The following ALK variants were observed in gnomAD, a reference collection of about 807,000 sequenced individuals.
The protein encoded by ALK is ALK receptor tyrosine kinase.
ALK carries 74 observed loss-of-function variants against 163.1 expected under a neutral mutation model. The ratio of observed to expected loss-of-function variants is 0.45; its 90% confidence interval spans 0.38 to 0.55. The LOEUF (loss-of-function observed/expected upper bound fraction) is 0.55. ALK is among the 20% of genes least tolerant of loss of function. The pLI is 0.00. For synonymous variants in ALK, 960 were observed against 843.2 expected, an observed-to-expected ratio of 1.14 and a Z score of -2.40; for missense variants, 2,063 against 2,105.3, an observed-to-expected ratio of 0.98 and a Z score of 0.39.
intron 3 of ALK, among the ~76,000 whole-genome samples, chr2:29,658,020 C>T (rs1013983159): frequency 6.6e-6 from 1 of 152,092 alleles, no homozygotes; most frequent in African/African-American, 2.4e-5. Context: ...GCGGGCCATG[C>T]ATGTGTCCTG....
At chr2:29,200,748 T>C (rs370123549) in intron 26 of ALK, among the ~76,000 whole-genome samples, 1,089 of 71,556 alleles carry the variant, frequency 0.015, 11 homozygotes, top group African/African-American at 0.021. Flanking sequence ...TACGTATATA[T>C]ATACGTATAT....
intron 11 of ALK, among the ~76,000 whole-genome samples, chr2:29,266,306 ACCTCCCCT>A (rs1665218690): frequency 6.6e-6 from 1 of 152,046 alleles, no homozygotes; most frequent in African/African-American, 2.4e-5. Flanking sequence ...CAAGATATTA[ACCTCCCCT>A]CCAGATACAT....
intron 8 of ALK, among the ~76,000 whole-genome samples, chr2:29,315,590 T>C (rs569731259): frequency 4.8e-4 from 73 of 152,092 alleles, no homozygotes; most frequent in Non-Finnish European, 9.6e-4. Flanking sequence ...TCACCAAGGA[T>C]AGGGTTTAAA....
intron 11 of ALK, among the ~76,000 whole-genome samples, chr2:29,264,643 A>G (rs1665166813): frequency 6.6e-6 from 1 of 152,260 alleles, no homozygotes; most frequent in Admixed American, 6.5e-5. Flanking sequence ...ACAAAACCAA[A>G]GCAAAATGAA....
chr2:29,211,568 G>A (rs982582995), intron 24 of ALK, among the ~76,000 whole-genome samples: 1 of 152,144 alleles, frequency 6.6e-6, no homozygotes, highest in African/African-American at 2.4e-5. Context: ...GGAAGCATGT[G>A]GATCTGGTGA....
intron 13 of ALK, among the ~76,000 whole-genome samples, chr2:29,234,317 G>T (rs920075704): frequency 6.6e-6 from 1 of 152,190 alleles, no homozygotes; most frequent in Admixed American, 6.5e-5. Context: ...GGCACTGCAA[G>T]GAGTGGACTT....
intron 4 of ALK, among the ~76,000 whole-genome samples, chr2:29,447,269 C>T (rs1573362374): frequency 6.6e-6 from 1 of 152,210 alleles, no homozygotes; most frequent in Non-Finnish European, 1.5e-5. Flanking sequence ...TAGCACTGCC[C>T]ATCATGATTT....
chr2:29,455,191 TGTGGCAGCAGGAG>T (rs1272160609), intron 4 of ALK, among the ~76,000 whole-genome samples: 3 of 152,062 alleles, frequency 2.0e-5, no homozygotes, highest in Non-Finnish European at 4.4e-5. Context: ...TTTCACAAGG[TGTGGCAGCAGGAG>T]GTGGCGGGAA....
intron 3 of ALK, among the ~76,000 whole-genome samples, chr2:29,576,388 C>T (rs1176168453): frequency 6.6e-6 from 1 of 152,204 alleles, no homozygotes; most frequent in Admixed American, 6.5e-5. Context: ...TTCCTTCCTA[C>T]CACCATGCAC....
chr2:29,386,976 C>T (rs1035493207), intron 4 of ALK, among the ~76,000 whole-genome samples: 3 of 152,210 alleles, frequency 2.0e-5, no homozygotes, highest in Non-Finnish European at 4.4e-5. Flanking sequence ...TTTGTCCCTT[C>T]GGCTGGTGGC....
chr2:29,917,829 C>T (rs1040610122), intron 1 of ALK, among the ~76,000 whole-genome samples: 1 of 152,222 alleles, frequency 6.6e-6, no homozygotes. Context: ...GATTCCAATC[C>T]TGCTGAAAAA....
At chr2:29,915,450 C>T (rs569878515) in intron 1 of ALK, among the ~76,000 whole-genome samples, 3 of 152,256 alleles carry the variant, frequency 2.0e-5, no homozygotes, top group East Asian at 1.9e-4. Context: ...GAACTCCTGA[C>T]CTCAAGTGAT....
intron 1 of ALK, among the ~76,000 whole-genome samples, chr2:29,859,546 G>A (rs991204787): frequency 2.0e-5 from 3 of 152,198 alleles, no homozygotes; most frequent in Non-Finnish European, 4.4e-5. Context: ...AGTATAGTGA[G>A]TGGGCCACGG....
chr2:29,861,502 A>G (rs867148776), intron 1 of ALK, among the ~76,000 whole-genome samples: 4 of 152,198 alleles, frequency 2.6e-5, no homozygotes, highest in African/African-American at 9.6e-5. Flanking sequence ...ACTATCAACA[A>G]TCATACAGCA....
At chr2:29,696,530 TAAAAA>T (rs60320646) in intron 2 of ALK, among the ~76,000 whole-genome samples, 5 of 103,830 alleles carry the variant, frequency 4.8e-5, no homozygotes, top group Admixed American at 1.0e-4. Flanking sequence ...CTTAAAGGAT[TAAAAA>T]AAAAAAAAAA....
At chr2:29,409,258 C>T (rs1669669450) in intron 4 of ALK, among the ~76,000 whole-genome samples, 1 of 152,148 alleles carries the variant, frequency 6.6e-6, no homozygotes, top group Non-Finnish European at 1.5e-5. Context: ...GAATAGGTCA[C>T]CTTTTAGTGT....
chr2:29,313,083 G>T (rs1660702864), intron 8 of ALK, among the ~76,000 whole-genome samples: 1 of 152,282 alleles, frequency 6.6e-6, no homozygotes, highest in Middle Eastern at 3.4e-3. Context: ...GTGTAGCATT[G>T]CTTGGCCATG....
chr2:29,612,594 G>A (rs1054775938), intron 3 of ALK, among the ~76,000 whole-genome samples: 3 of 152,204 alleles, frequency 2.0e-5, no homozygotes, highest in South Asian at 2.1e-4. Flanking sequence ...CAATGCTCCC[G>A]AATTCCCCCA....
intron 1 of ALK, among the ~76,000 whole-genome samples, chr2:29,813,610 G>C (rs80099834): frequency 1.3e-5 from 2 of 152,162 alleles, no homozygotes; most frequent in African/African-American, 4.8e-5. Context: ...ACAGGGATAT[G>C]GGTGTCTGTT....
Sources: gnomAD v4.1 joint callset for allele counts (sites outside exome capture counted in the v4.1 genomes callset) on GRCh38, gnomAD v4.1.1 for gene constraint, MANE v1.5 for transcripts, NCBI Gene and HGNC (gene_info 2026-07-23, HGNC 2026-07-21) for gene names.